The following BOLL variants were observed in gnomAD, a reference collection of about 807,000 sequenced individuals.
BOLL encodes the protein protein boule-like.
In BOLL, 23 loss-of-function variants were observed where a neutral mutation model predicts 44.4. That is an observed-to-expected ratio of 0.52 (90% CI 0.37 to 0.73). The LOEUF is 0.73. Among genes scored for constraint, BOLL ranks in the 30% least tolerant of loss-of-function variants. The pLI is 0.00. For synonymous variants in BOLL, 97 were observed against 110.8 expected (o/e 0.88, Z 0.78); for missense variants, 287 against 338.3 (o/e 0.85, Z 1.19).
intron 6 of BOLL, 126 bp from the exon 7 acceptor site, chr2:197,766,729 A>G: frequency 1.5e-6 from 1 of 660,494 alleles, no homozygotes; most frequent in Non-Finnish European, 2.6e-6. Flanking sequence ...TTATTTTTCT[A>G]CCTCTTATTG....
intron 5 of BOLL, among the ~76,000 whole-genome samples, chr2:197,772,316 T>G (rs183737158): frequency 1.3e-5 from 2 of 152,196 alleles, no homozygotes. Context: ...GAAGTAATTA[T>G]TTGTACAAAT....
rs1007612314 is a variant in BOLL at position 197,731,020 on chromosome 2, A to C, written c.829-2442T>G. On this transcript the variant is annotated intron_variant, in intron 10 of 10. Transcript: ENST00000392296. ...TCCAATTAAAAGACACAGACTGGCAAATTGGATAAAGAGTCAAGACCCATC... is the reference window on the plus strand; with the variant it reads ...TCCAATTAAAAGACACAGACTGGCACATTGGATAAAGAGTCAAGACCCATC... Among the ~76,000 whole-genome samples, 252 of 152,222 alleles carry C rather than the reference A, an allele frequency of 1.7e-3. 1 individual carries two copies. The highest frequency in any genetic ancestry group is 3.3e-3 in the Non-Finnish European group (224 of 68,020).
chr2:197,728,558 A>G lies in BOLL; in HGVS notation c.849T>C (p.Tyr283=), dbSNP rs1197296361. The change falls in exon 11 of 11, where the codon TAT becomes TAC. Residue 283 remains tyrosine (Y), a synonymous_variant. Coordinates refer to ENST00000392296, the MANE Select transcript of BOLL (RefSeq NM_033030.6). The part of the protein sequence containing the change: ...EPIKTVWSIH[Y] ...GGAATAGAGCTGCCCAATTGTCTTA[A>G]TAATGAATGCTCCACACTGTCTGTT... 1.2e-6 allele frequency: 2 copies of G among 1,612,872 alleles called. No individual in the cohort carries two copies. Among genetic ancestry groups the G allele is most frequent in the East Asian group, 2.2e-5 (1 of 44,874 alleles).
At chr2:197,778,294 C>G (rs907815101) in intron 3 of BOLL, among the ~76,000 whole-genome samples, 4 of 151,910 alleles carry the variant, frequency 2.6e-5, no homozygotes, top group Non-Finnish European at 4.4e-5. Flanking sequence ...TGTCTCGTCT[C>G]TCTTTCAAGA....
chr2:197,759,623 C>T (rs774888436), intron 7 of BOLL, among the ~76,000 whole-genome samples: 1 of 152,128 alleles, frequency 6.6e-6, no homozygotes, highest in Non-Finnish European at 1.5e-5. Context: ...CAGCATGGAA[C>T]CTGAGGCTCA....
At chr2:197,741,534 C>G (rs1687732719) in intron 10 of BOLL, among the ~76,000 whole-genome samples, 1 of 152,152 alleles carries the variant, frequency 6.6e-6, no homozygotes, top group African/African-American at 2.4e-5. Context: ...TGATCTTTGA[C>G]AAGCCTGACA....
At chr2:197,782,404 AAAC>A (rs1436094437) in intron 1 of BOLL, among the ~76,000 whole-genome samples, 1 of 152,198 alleles carries the variant, frequency 6.6e-6, no homozygotes, top group African/African-American at 2.4e-5. Context: ...AAGAATAACC[AAAC>A]AACCCTCCAT....
chr2:197,759,760 C>T (rs1446292326), intron 7 of BOLL, among the ~76,000 whole-genome samples: 1 of 152,204 alleles, frequency 6.6e-6, no homozygotes, highest in Non-Finnish European at 1.5e-5. Flanking sequence ...CAAACTGCTG[C>T]ACTCTCCTGA....
At chr2:197,764,498 A>T (rs1377118847) in intron 7 of BOLL, among the ~76,000 whole-genome samples, 1 of 152,120 alleles carries the variant, frequency 6.6e-6, no homozygotes, top group African/African-American at 2.4e-5. Context: ...TGATCTCAAA[A>T]ATCTGCCACC....
At chr2:197,742,442 A>T (rs1351801472) in intron 10 of BOLL, among the ~76,000 whole-genome samples, 2 of 152,248 alleles carry the variant, frequency 1.3e-5, no homozygotes, top group East Asian at 3.8e-4. Flanking sequence ...AGACTGGATT[A>T]AGAAAATGTG....
chr2:197,750,722 A>C (rs1444846044), intron 9 of BOLL, among the ~76,000 whole-genome samples: 1 of 152,210 alleles, frequency 6.6e-6, no homozygotes. Flanking sequence ...CCCACTGTCA[A>C]TATTAGACAG....
intron 9 of BOLL, among the ~76,000 whole-genome samples, chr2:197,749,519 G>T (rs1040872233): frequency 6.6e-6 from 1 of 151,974 alleles, no homozygotes; most frequent in Non-Finnish European, 1.5e-5. Context: ...AACTAGAATA[G>T]CTAGTTTAGA....
In BOLL at chr2:197,773,377, T is replaced by C. The variant is rs911605232; in HGVS notation, c.353-1395A>G. ...AGGGCCCTAGTGATACAGCAAAAAATAAAAAAATTAGACATGAGATGGTCT... is the reference window on the plus strand; with the variant it reads ...AGGGCCCTAGTGATACAGCAAAAAACAAAAAAATTAGACATGAGATGGTCT... On this transcript the variant is annotated intron_variant, in intron 5 of 10. Transcript: ENST00000392296. Among the ~76,000 whole-genome samples the C allele has an allele frequency of 4.0e-5, 6 of 151,592 alleles. No individual in the cohort carries two copies. The South Asian group carries it at 6.2e-4, about 16-fold the overall frequency.
intron 10 of BOLL, among the ~76,000 whole-genome samples, chr2:197,740,221 G>C (rs917939597): frequency 1.3e-5 from 2 of 152,070 alleles, no homozygotes; most frequent in African/African-American, 4.8e-5. Flanking sequence ...AGACTGTCTT[G>C]GTATTGAGTT....
At chr2:197,770,029 G>A (rs1689167221) in intron 6 of BOLL, among the ~76,000 whole-genome samples, 1 of 152,152 alleles carries the variant, frequency 6.6e-6, no homozygotes, top group South Asian at 2.1e-4. Context: ...CCAAAAAAGA[G>A]CCCACATTGC....
chr2:197,776,987 T>G, intron 4 of BOLL, 72 bp downstream of exon 4: 2 of 1,222,050 alleles, frequency 1.6e-6, no homozygotes, highest in Non-Finnish European at 2.3e-6. Flanking sequence ...ATTATTGTAT[T>G]TGAACCCCGA....
intron 7 of BOLL, among the ~76,000 whole-genome samples, chr2:197,761,598 C>T (rs1296962721): frequency 6.6e-6 from 1 of 152,046 alleles, no homozygotes; most frequent in Non-Finnish European, 1.5e-5. Flanking sequence ...GATGTCCTCA[C>T]CTATCAATAA....
chr2:197,784,936 A>G (rs1316118350), intron 1 of BOLL, 120 bp downstream of exon 1: 1 of 986,176 alleles, frequency 1.0e-6, no homozygotes, highest in African/African-American at 1.7e-5. Flanking sequence ...CCAGCACTAG[A>G]GAGTTTATTA....
chr2:197,783,109 C>T (rs1005491526), intron 1 of BOLL, among the ~76,000 whole-genome samples: 5 of 151,904 alleles, frequency 3.3e-5, no homozygotes, highest in Admixed American at 1.3e-4. Flanking sequence ...TGAGACAAAC[C>T]CCATAATATC....
Sources: allele counts gnomAD v4.1 joint callset (sites outside exome capture counted in the v4.1 genomes callset), GRCh38; gene constraint gnomAD v4.1.1; transcripts MANE v1.5; gene names NCBI Gene and HGNC (gene_info 2026-07-23, HGNC 2026-07-21).